The following RAB20 variants were observed in gnomAD, a reference collection of about 807,000 sequenced individuals.
The protein encoded by RAB20 is RAB20, member RAS oncogene family, also known as ras-related protein Rab-20.
A neutral mutation model predicts 3.7 loss-of-function variants in RAB20; 2 were observed. The ratio of observed to expected loss-of-function variants is 0.54; its 90% CI spans 0.22 to 1.69. The LOEUF is 1.69. Ranked by LOEUF, RAB20 falls within the 40% of genes most tolerant of loss-of-function variation. RAB20 has a pLI of 0.19. For synonymous variants in RAB20, 126 were observed against 130.8 expected (o/e 0.96, Z 0.25); for missense variants, 276 against 311.9 (o/e 0.88, Z 0.87).
chr13:110,556,489 T>C (rs1885041312), intron 1 of RAB20, among the ~76,000 whole-genome samples: 1 of 152,228 alleles, frequency 6.6e-6, no homozygotes, highest in African/African-American at 2.4e-5. Context: ...TTGGGACTTC[T>C]GACCTCCAGA....
intron 1 of RAB20, among the ~76,000 whole-genome samples, chr13:110,539,034 TA>T (rs1053188170): frequency 6.6e-6 from 1 of 152,192 alleles, no homozygotes; most frequent in African/African-American, 2.4e-5. Flanking sequence ...AAGAAAGAAC[TA>T]AAACCTCAAG....
chr13:110,533,948 TC>T lies in RAB20; in HGVS notation c.173-9752del, dbSNP rs534444935. On this transcript the variant is annotated intron_variant, in intron 1 of 1. Coordinates refer to ENST00000267328, the MANE Select transcript of RAB20 (RefSeq NM_017817.3). ...AGGGCCCCACGCAGTGGGCAGGCCC[TC>T]CCCCCAGAACCCACATGCACCAAAG... Among the ~76,000 whole-genome samples the T allele has an allele frequency of 7.2e-5, 11 of 151,838 alleles. No individual in the cohort carries two copies. In the East Asian group the frequency reaches 1.6e-3, roughly 21 times the overall value.
At chr13:110,540,469 G>A (rs1002936804) in intron 1 of RAB20, among the ~76,000 whole-genome samples, 1 of 152,214 alleles carries the variant, frequency 6.6e-6, no homozygotes, top group Admixed American at 6.5e-5. Flanking sequence ...GAGGCCGGGC[G>A]CAGTGGCTCA....
At chr13:110,533,042 G>C (rs1178929072) in intron 1 of RAB20, among the ~76,000 whole-genome samples, 2 of 152,148 alleles carry the variant, frequency 1.3e-5, no homozygotes, top group African/African-American at 4.8e-5. Context: ...CCCTGGCAGG[G>C]AGCTCACAAA....
intron 1 of RAB20, among the ~76,000 whole-genome samples, chr13:110,548,576 G>A (rs1176066677): frequency 6.6e-6 from 1 of 152,100 alleles, no homozygotes; most frequent in Non-Finnish European, 1.5e-5. Flanking sequence ...GGCACCAGGG[G>A]AGCGCGGTGG....
intron 1 of RAB20, 37 bp downstream of exon 1, chr13:110,561,311 C>A (rs758215361): frequency 5.2e-6 from 8 of 1,546,492 alleles, no homozygotes; most frequent in Non-Finnish European, 6.1e-6. Flanking sequence ...CCCGGCGGAG[C>A]CCCAGGGCGG....
In RAB20 at chr13:110,523,546, G is replaced by A. The variant is rs1884369746; in HGVS notation, c.*119C>T. ...GCCATCATTTCCACTCCAACATTCT[G>A]CTGCGGGTGTCATTCTGGAAAATAA... is the stretch of plus-strand genomic sequence containing the variant. On this transcript the variant is annotated 3_prime_UTR_variant, in exon 2 of 2. Transcript: ENST00000267328. 1.4e-6 allele frequency: 2 copies of A among 1,469,834 alleles called. No homozygotes were observed. Among genetic ancestry groups the A allele is most frequent in the Middle Eastern group, 2.1e-4 (1 of 4,846 alleles). The allele number at this position is 1,469,834 out of a possible 1,614,324, so 91.0% of individuals were successfully genotyped here.
At chr13:110,527,448 C>G (rs992770806) in intron 1 of RAB20, among the ~76,000 whole-genome samples, 8 of 152,054 alleles carry the variant, frequency 5.3e-5, no homozygotes, top group African/African-American at 1.7e-4. Flanking sequence ...CAGACCAGCT[C>G]CGGTAGGAGT....
chr13:110,538,837 G>A (rs1884702534), intron 1 of RAB20, among the ~76,000 whole-genome samples: 1 of 151,988 alleles, frequency 6.6e-6, no homozygotes, highest in African/African-American at 2.4e-5. Flanking sequence ...CTGAGACCAA[G>A]CTTCCTCCAC....
At chr13:110,533,670 G>A (rs571537881) in intron 1 of RAB20, among the ~76,000 whole-genome samples, 19 of 152,308 alleles carry the variant, frequency 1.2e-4, no homozygotes, top group African/African-American at 4.6e-4. Context: ...CCGGGCAGCA[G>A]AGCAAGACCC....
chr13:110,548,730 A>G (rs148214847), intron 1 of RAB20, among the ~76,000 whole-genome samples: 38 of 151,616 alleles, frequency 2.5e-4, no homozygotes, highest in African/African-American at 7.7e-4. Flanking sequence ...TTTGACAAAA[A>G]CCCACCTCAA....
chr13:110,540,650 G>A (rs894820194), intron 1 of RAB20, among the ~76,000 whole-genome samples: 2 of 151,790 alleles, frequency 1.3e-5, no homozygotes, highest in Non-Finnish European at 2.9e-5. Context: ...GCTGAGGCAG[G>A]AGAATCTCTT....
At chr13:110,553,280 C>T (rs1417255831) in intron 1 of RAB20, among the ~76,000 whole-genome samples, 1 of 152,186 alleles carries the variant, frequency 6.6e-6, no homozygotes, top group Non-Finnish European at 1.5e-5. Flanking sequence ...CATCTTAAAT[C>T]CACCCTCACT....
chr13:110,538,482 T>C (rs1884689395), intron 1 of RAB20, among the ~76,000 whole-genome samples: 1 of 149,044 alleles, frequency 6.7e-6, no homozygotes, highest in African/African-American at 2.4e-5. Context: ...GGTGCATCCC[T>C]GTGGTCCCAG....
chr13:110,559,805 G>A (rs145007285), intron 1 of RAB20, among the ~76,000 whole-genome samples: 1 of 152,192 alleles, frequency 6.6e-6, no homozygotes, highest in Non-Finnish European at 1.5e-5. Flanking sequence ...CAGTGGAAAC[G>A]AAACTGCTGC....
At chr13:110,551,048 C>T (rs1373018115) in intron 1 of RAB20, among the ~76,000 whole-genome samples, 1 of 152,192 alleles carries the variant, frequency 6.6e-6, no homozygotes, top group Admixed American at 6.5e-5. Flanking sequence ...AATGAAACTG[C>T]TAATGTCAGT....
At chr13:110,524,988 T>C (rs7325217) in intron 1 of RAB20, among the ~76,000 whole-genome samples, 109,823 of 152,080 alleles carry the variant, frequency 0.72, 39,740 homozygotes, top group African/African-American at 0.74. Context: ...ATTTCCAGGT[T>C]GAGATCAAAC....
intron 1 of RAB20, among the ~76,000 whole-genome samples, chr13:110,543,399 C>T (rs1884799458): frequency 6.6e-6 from 1 of 152,178 alleles, no homozygotes; most frequent in South Asian, 2.1e-4. Context: ...TCCCAAAGTG[C>T]TGGGATTATA....
In RAB20 at chr13:110,555,271, G is replaced by A. The variant is rs375657202; in HGVS notation, c.172+6077C>T. Among the ~76,000 whole-genome samples, 12 of 152,252 alleles carry A rather than the reference G, an allele frequency of 7.9e-5. No homozygotes were observed. Among genetic ancestry groups the A allele is most frequent in the African/African-American group, 1.9e-4 (8 of 41,536 alleles). On this transcript the variant is annotated intron_variant, in intron 1 of 1. Transcript: ENST00000267328. This position sits in a 1 kb window ranked among gnomAD's most constrained non-coding sequence, Gnocchi z 4.0. ...AAACCTCCAACTACTCTAACGCGCC[G>A]GAATAGAACTCAAATGAGGCTTGAA...
Sources: allele counts gnomAD v4.1 joint callset (sites outside exome capture counted in the v4.1 genomes callset), GRCh38; gene constraint gnomAD v4.1.1; non-coding constraint Gnocchi (gnomAD v3.1); transcripts MANE v1.5; gene names NCBI Gene and HGNC (gene_info 2026-07-23, HGNC 2026-07-21).